PTK7: variants seen among roughly 807,000 people sequenced by gnomAD.
PTK7 encodes inactive tyrosine-protein kinase 7.
A neutral mutation model predicts 116.6 loss-of-function variants in PTK7; 39 were observed. That is an observed-to-expected ratio of 0.33 (90% CI 0.26 to 0.44). The LOEUF (loss-of-function observed/expected upper bound fraction) is 0.44, where lower values mean the gene tolerates loss of function less well. Among genes scored for constraint, PTK7 ranks in the 20% least tolerant of loss-of-function variants. The pLI, the probability that PTK7 is intolerant of heterozygous loss-of-function variation, is 1.00. For missense variants in PTK7, 1,169 were observed against 1,425.6 expected (o/e 0.82, Z 2.90); for synonymous variants, 546 against 563.6 (o/e 0.97, Z 0.44).
chr6:43,099,450 G>T (rs894090411), intron 1 of PTK7, among the ~76,000 whole-genome samples: 1 of 152,006 alleles, frequency 6.6e-6, no homozygotes, highest in Non-Finnish European at 1.5e-5. Flanking sequence ...GCCCAGGCTG[G>T]TCTCAAACTC....
chr6:43,155,805 A>G (rs749843988), intron 17 of PTK7, among the ~76,000 whole-genome samples: 2 of 152,216 alleles, frequency 1.3e-5, no homozygotes, highest in Non-Finnish European at 2.9e-5. Context: ...TTGTATAGCT[A>G]GAGATATTCA....
At position 43,114,352 on chromosome 6, in the gene PTK7, G is replaced by GTC. The variant is rs370067302; in HGVS notation, c.80-14607_80-14606dup. ...TGGGTCTCACATTGTCTGTCTGTCT[G>GTC]TCTCTCTCTCTCTCTCTCTGTCAGT... On this transcript the variant is annotated intron_variant, in intron 1 of 19. Transcript: ENST00000230419. Among the ~76,000 whole-genome samples, 192 of 149,778 alleles carry GTC rather than the reference G, an allele frequency of 1.3e-3. No individual in the cohort carries two copies. In the East Asian group the frequency reaches 0.017, roughly 13 times the overall value.
intron 17 of PTK7, among the ~76,000 whole-genome samples, chr6:43,148,402 C>T (rs1770848599): frequency 6.6e-6 from 1 of 152,192 alleles, no homozygotes; most frequent in Non-Finnish European, 1.5e-5. Context: ...ATGTTGAAGA[C>T]ACCCATGTCC....
chr6:43,093,036 T>C (rs114412475), intron 1 of PTK7, among the ~76,000 whole-genome samples: 2,287 of 152,204 alleles, frequency 0.015, 57 homozygotes, highest in African/African-American at 0.051. Context: ...ATTGTATGCA[T>C]GTGTGCATGC....
Position 43,141,967 on chromosome 6 carries a change from C to G in PTK7, c.1805C>G (p.Thr602Ser). The G allele has an allele frequency of 6.2e-7, 1 of 1,613,430 alleles. No individual in the cohort carries two copies. The highest frequency in any genetic ancestry group is 8.5e-7 in the Non-Finnish European group (1 of 1,179,846). Residue 602 changes from threonine (T) to serine (S), a missense_variant, in exon 12 of 20, where the codon ACT (threonine) becomes AGT (serine). Coordinates refer to ENST00000230419, the MANE Select transcript of PTK7 (RefSeq NM_002821.5). This position sits in a 1 kb window ranked among gnomAD's most constrained non-coding sequence, Gnocchi z 4.9. Reference protein sequence around the residue: ...ITFKVEPERTTVYQGHTALLQ... With the variant: ...ITFKVEPERTSVYQGHTALLQ... The stretch of plus-strand genomic sequence containing the variant: ...TTCAAAGTGGAACCAGAGCGTACGA[C>G]TGTGTACCAGGGCCACACAGCCCTA...
chr6:43,125,836 T>C (rs1048309066), intron 1 of PTK7, among the ~76,000 whole-genome samples: 1 of 152,162 alleles, frequency 6.6e-6, no homozygotes, highest in Admixed American at 6.5e-5. Context: ...ACACTGAGTG[T>C]AACAGGTCAG....
intron 1 of PTK7, among the ~76,000 whole-genome samples, chr6:43,116,742 G>A (rs531405163): frequency 6.6e-6 from 1 of 152,278 alleles, no homozygotes; most frequent in Admixed American, 6.5e-5. Flanking sequence ...ACGAGGGTGA[G>A]TAGGTGATAG....
intron 1 of PTK7, among the ~76,000 whole-genome samples, chr6:43,088,048 A>T (rs1766752187): frequency 6.6e-6 from 1 of 152,234 alleles, no homozygotes; most frequent in African/African-American, 2.4e-5. Flanking sequence ...CTGTAATCCT[A>T]GCACTTTGGG....
chr6:43,130,658 G>C lies in PTK7; in HGVS notation c.809G>C (p.Ser270Thr). 6.2e-7 allele frequency: 1 copy of C among 1,614,174 alleles called. No individual in the cohort carries two copies. The highest frequency in any genetic ancestry group is 8.5e-7 in the Non-Finnish European group (1 of 1,180,018). The part of the protein sequence containing the change: ...FEDETPITNR[S>T]RPPHLRRATV... ...GATGAGACTCCCATCACTAACCGCA[G>C]TCGGTAAGGCATCTGGCTGGGAGCA... The change falls in exon 5 of 20, where the codon AGT becomes ACT. Residue 270 changes from serine (S) to threonine (T), a missense_variant. This residue lies in a region of PTK7 where 487 missense variants were observed against 549.8 expected (regional missense o/e 0.89). Coordinates refer to ENST00000230419, the MANE Select transcript of PTK7 (RefSeq NM_002821.5).
chr6:43,115,297 A>C (rs1768442647), intron 1 of PTK7, among the ~76,000 whole-genome samples: 1 of 152,132 alleles, frequency 6.6e-6, no homozygotes, highest in Non-Finnish European at 1.5e-5. Context: ...ATGCATTAAA[A>C]TATACATTAA....
At chr6:43,146,757 C>T (rs540928301) in intron 17 of PTK7, 59 bp downstream of exon 17, 634 of 1,465,656 alleles carry the variant, frequency 4.3e-4, no homozygotes, top group Non-Finnish European at 5.7e-4. Context: ...CCAGGAGCAA[C>T]AGAGGCACCA....
chr6:43,145,673 G>T lies in PTK7; in HGVS notation c.2640+241G>T. 1 of 325,268 alleles carries T rather than the reference G, an allele frequency of 3.1e-6. No homozygotes were observed. Among genetic ancestry groups the T allele is most frequent in the Non-Finnish European group, 5.6e-6 (1 of 179,548 alleles). The allele number at this position is 325,268 out of a possible 1,614,324, so 20.1% of individuals were successfully genotyped here. On this transcript the variant is annotated intron_variant, in intron 16 of 19. Transcript: ENST00000230419. The surrounding 1 kb of genome is among the most constrained non-coding windows in gnomAD (Gnocchi z 4.8). ...TTCCATCTGTATCTCAGGGGCGTTG[G>T]TCCTAAGTTTTTCTGGGACTTCTCA...
At chr6:43,080,527 G>C (rs1167150363) in intron 1 of PTK7, among the ~76,000 whole-genome samples, 3 of 152,200 alleles carry the variant, frequency 2.0e-5, no homozygotes, top group Non-Finnish European at 4.4e-5. Flanking sequence ...CCAGGGATAA[G>C]GAGTATATCT....
intron 1 of PTK7, among the ~76,000 whole-genome samples, chr6:43,082,127 G>A (rs908706060): frequency 1.3e-5 from 2 of 152,168 alleles, no homozygotes; most frequent in East Asian, 3.8e-4. Flanking sequence ...CCAGGGCCAC[G>A]TGGCATCAGC....
chr6:43,083,530 G>A lies in PTK7; in HGVS notation c.79+6963G>A, dbSNP rs115354878. Among the ~76,000 whole-genome samples, 413 of 152,328 alleles carry A rather than the reference G, an allele frequency of 2.7e-3. 1 individual carries two copies. The highest frequency in any genetic ancestry group is 9.4e-3 in the African/African-American group (389 of 41,574). On this transcript the variant is annotated intron_variant, in intron 1 of 19. Coordinates refer to ENST00000230419, the MANE Select transcript of PTK7 (RefSeq NM_002821.5). The stretch of plus-strand genomic sequence containing the variant: ...CAGCGGTTTGAGGAAGCCCTCTGTA[G>A]TATGTCACTTTTTCCATCCTCTTTT...
intron 1 of PTK7, among the ~76,000 whole-genome samples, chr6:43,121,059 T>G (rs1045186122): frequency 8.8e-6 from 1 of 113,390 alleles, no homozygotes; most frequent in African/African-American, 4.8e-5. Flanking sequence ...TGTTTCTGTT[T>G]TTTTTTTTTT....
Position 43,138,892 on chromosome 6 carries a change from G to C in PTK7, c.1272G>C (p.Glu424Asp). ...WLKKPQDSQL[E>D]EGKPGYLDCL... ...AGAAGCCCCAAGACAGCCAGCTGGA[G>C]GAGGGCAAACCCGGCTACTTGGATT... Residue 424 changes from glutamate (E) to aspartate (D), a missense_variant, in exon 8 of 20, where the codon GAG (glutamate) becomes GAC (aspartate). Physicochemically the swap from Glu to Asp is conservative, Grantham distance 45 (BLOSUM62 2). Around this residue, in one of 3 missense-constraint regions of PTK7, gnomAD observed 678 missense variants for 853.8 expected, o/e 0.79. Transcript: ENST00000230419. The C allele has an allele frequency of 6.2e-7, 1 of 1,614,186 alleles. No individual in the cohort carries two copies. The highest frequency in any genetic ancestry group is 8.5e-7 in the Non-Finnish European group (1 of 1,180,034).
chr6:43,152,468 G>A (rs1336943138), intron 17 of PTK7, among the ~76,000 whole-genome samples: 1 of 152,232 alleles, frequency 6.6e-6, no homozygotes, highest in African/African-American at 2.4e-5. Context: ...GGCGGAGGTT[G>A]CGGAGAGCTG....
At chr6:43,107,681 A>G (rs1767968283) in intron 1 of PTK7, among the ~76,000 whole-genome samples, 1 of 152,184 alleles carries the variant, frequency 6.6e-6, no homozygotes, top group Non-Finnish European at 1.5e-5. Context: ...TAAGTAAATG[A>G]TTGTTGAATT....
Sources: gnomAD v4.1 joint callset for allele counts (sites outside exome capture counted in the v4.1 genomes callset) on GRCh38, gnomAD v4.1.1 for gene constraint, gnomAD v4.1.1 regional missense constraint, Gnocchi (gnomAD v3.1) non-coding constraint, MANE v1.5 for transcripts, NCBI Gene and HGNC (gene_info 2026-07-23, HGNC 2026-07-21) for gene names.